GALNT17: variants seen among roughly 807,000 people sequenced by gnomAD.
GALNT17 encodes UDP-GalNAc:polypeptide N-acetylgalactosaminyltransferase-like 3.
Under a neutral mutation model 63.7 loss-of-function variants are expected in GALNT17, and 29 were observed. The ratio of observed to expected loss-of-function variants is 0.46; its 90% CI spans 0.34 to 0.62. The LOEUF (loss-of-function observed/expected upper bound fraction) is 0.62, where lower values mean the gene tolerates loss of function less well. GALNT17 is among the 20% of genes least tolerant of loss of function. GALNT17 has a pLI of 0.01. For missense variants in GALNT17, 603 were observed against 799.6 expected (o/e 0.75, Z 2.97); for synonymous variants, 305 against 318.3 (o/e 0.96, Z 0.45).
At chr7:71,227,890 C>T (rs17142926) in intron 1 of GALNT17, among the ~76,000 whole-genome samples, 16,808 of 152,070 alleles carry the variant, frequency 0.11, 1,077 homozygotes, top group Middle Eastern at 0.16. Flanking sequence ...AAGATTCTGC[C>T]GGTCGTGGCA....
chr7:71,158,255 G>A (rs1220117183), intron 1 of GALNT17, among the ~76,000 whole-genome samples: 3 of 151,630 alleles, frequency 2.0e-5, no homozygotes, highest in Admixed American at 2.0e-4. Flanking sequence ...AATGGGTGCT[G>A]CTGTGTTCTG....
rs918327624 is a variant in GALNT17, at chr7:71,556,184, T to G, written c.963-15101T>G. Among the ~76,000 whole-genome samples the G allele has an allele frequency of 2.6e-5, 4 of 152,232 alleles. No individual in the cohort carries two copies. In the South Asian group the frequency reaches 8.3e-4, roughly 31 times the overall value. ...GCAAGGCCATCAGAAAGCTGTCTTC[T>G]TACCTGAATCTCATTTGGTTCCGAG... On this transcript the variant is annotated intron_variant, in intron 5 of 10. Transcript: ENST00000333538.
chr7:71,620,427 T>C (rs376985358), intron 6 of GALNT17, among the ~76,000 whole-genome samples: 99 of 152,282 alleles, frequency 6.5e-4, no homozygotes, highest in Admixed American at 2.1e-3. Context: ...CCATGAGCTA[T>C]GATCATGCCA....
intron 1 of GALNT17, among the ~76,000 whole-genome samples, chr7:71,315,198 G>A (rs909988662): frequency 3.9e-5 from 6 of 152,196 alleles, no homozygotes; most frequent in Middle Eastern, 3.4e-3. Flanking sequence ...AGCATCTATC[G>A]GTACTTCCTT....
intron 9 of GALNT17, among the ~76,000 whole-genome samples, chr7:71,684,065 T>A (rs1258490564): frequency 6.6e-6 from 1 of 151,390 alleles, no homozygotes; most frequent in African/African-American, 2.4e-5. Flanking sequence ...AGCCTTAGTG[T>A]TGGCTTGAAC....
intron 6 of GALNT17, among the ~76,000 whole-genome samples, chr7:71,639,216 C>T (rs1439449329): frequency 1.3e-5 from 2 of 152,024 alleles, no homozygotes; most frequent in East Asian, 3.9e-4. Context: ...ATATATACAG[C>T]TACTGTGTAC....
chr7:71,366,044 C>A (rs1374119299), intron 2 of GALNT17, among the ~76,000 whole-genome samples: 1 of 152,120 alleles, frequency 6.6e-6, no homozygotes, highest in African/African-American at 2.4e-5. Flanking sequence ...AACCTAGATC[C>A]CTCGTATGCT....
At chr7:71,538,924 A>G (rs1292953462) in intron 5 of GALNT17, among the ~76,000 whole-genome samples, 3 of 151,482 alleles carry the variant, frequency 2.0e-5, no homozygotes, top group Admixed American at 1.3e-4. Context: ...GACTCAGGAT[A>G]CTCAATGTTT....
Position 71,478,569 on chromosome 7 carries a change from A to G in GALNT17, c.962+57464A>G, listed in dbSNP as rs115333631. Among the ~76,000 whole-genome samples the G allele has an allele frequency of 4.3e-3, 656 of 151,554 alleles. 7 individuals are homozygous for G. Among genetic ancestry groups the G allele is most frequent in the African/African-American group, 0.015 (639 of 41,314 alleles). On this transcript the variant is annotated intron_variant, in intron 5 of 10. Transcript: ENST00000333538. ...GGGCTCAACCTATCCTCCCACCTCA[A>G]CCTCCCAAAGTGCTGGGTTATCAGG...
chr7:71,649,011 G>A (rs1307341457), intron 6 of GALNT17, among the ~76,000 whole-genome samples: 3 of 152,300 alleles, frequency 2.0e-5, no homozygotes, highest in African/African-American at 7.2e-5. Flanking sequence ...ATGTCTTTTA[G>A]GGTCCTCTTC....
At chr7:71,412,332 C>A (rs892383603) in intron 3 of GALNT17, among the ~76,000 whole-genome samples, 3 of 151,996 alleles carry the variant, frequency 2.0e-5, no homozygotes, top group Non-Finnish European at 4.4e-5. Flanking sequence ...TTCTTCCCTG[C>A]ATTTCCTGGA....
chr7:71,170,749 G>A (rs1356423745), intron 1 of GALNT17, among the ~76,000 whole-genome samples: 1 of 152,148 alleles, frequency 6.6e-6, no homozygotes, highest in African/African-American at 2.4e-5. Context: ...ATGGCTGATT[G>A]GGAGTTAAAT....
chr7:71,428,877 G>A (rs563224055), intron 5 of GALNT17, among the ~76,000 whole-genome samples: 29 of 152,272 alleles, frequency 1.9e-4, no homozygotes, highest in East Asian at 7.7e-4. Flanking sequence ...CAGAGGGCAC[G>A]TTCCCTTTCG....
At chr7:71,191,108 T>G (rs545085239) in intron 1 of GALNT17, among the ~76,000 whole-genome samples, 12 of 152,294 alleles carry the variant, frequency 7.9e-5, no homozygotes, top group African/African-American at 2.6e-4. Context: ...TTAAGTGTAG[T>G]TTGATTCGTT....
intron 1 of GALNT17, among the ~76,000 whole-genome samples, chr7:71,229,785 C>A (rs531323318): frequency 6.6e-6 from 1 of 152,220 alleles, no homozygotes; most frequent in African/African-American, 2.4e-5. Flanking sequence ...ATGGACCCTC[C>A]GCCTCCACCT....
intron 1 of GALNT17, among the ~76,000 whole-genome samples, chr7:71,253,239 C>T (rs570953635): frequency 6.6e-6 from 1 of 152,276 alleles, no homozygotes; most frequent in African/African-American, 2.4e-5. Flanking sequence ...ACTCACAGTT[C>T]CCCGTGGCTG....
intron 9 of GALNT17, among the ~76,000 whole-genome samples, chr7:71,702,133 G>A (rs1313427678): frequency 6.6e-6 from 1 of 151,738 alleles, no homozygotes; most frequent in Non-Finnish European, 1.5e-5. Flanking sequence ...TACCAGAGTA[G>A]AGAGAGAGGG....
intron 2 of GALNT17, among the ~76,000 whole-genome samples, chr7:71,354,839 G>T (rs1260052128): frequency 6.6e-6 from 1 of 152,146 alleles, no homozygotes; most frequent in Non-Finnish European, 1.5e-5. Flanking sequence ...TTTTTATGGG[G>T]TAGTTTCTTG....
At chr7:71,279,543 T>A (rs145161126) in intron 1 of GALNT17, among the ~76,000 whole-genome samples, 316 of 152,050 alleles carry the variant, frequency 2.1e-3, no homozygotes, top group Middle Eastern at 0.017. Context: ...ATTGGATTCA[T>A]CCTAATCTAG....
Sources: gnomAD v4.1 joint callset for allele counts (sites outside exome capture counted in the v4.1 genomes callset) on GRCh38, gnomAD v4.1.1 for gene constraint, MANE v1.5 for transcripts, NCBI Gene and HGNC (gene_info 2026-07-23, HGNC 2026-07-21) for gene names.